The following OCM variants were observed in gnomAD, a reference collection of about 807,000 sequenced individuals.
OCM encodes the protein oncomodulin-1.
OCM carries 18 observed loss-of-function variants against 14.1 expected under a neutral mutation model. The ratio of observed to expected loss-of-function variants is 1.28; its 90% CI spans 0.88 to 1.89. OCM has a LOEUF of 1.89. OCM is among the 40% of genes most tolerant of loss of function. The pLI is 0.00. For synonymous variants in OCM, 48 were observed against 51.0 expected (o/e 0.94, Z 0.25); for missense variants, 140 against 137.6 (o/e 1.02, Z -0.09).
At chr7:5,871,024 G>A in the OCM span, among the ~76,000 whole-genome samples, 2 of 151,896 alleles carry the variant, frequency 1.3e-5, no homozygotes, top group African/African-American at 2.4e-5. Flanking sequence ...CCAGTAGCTG[G>A]GATAACAGTC....
At chr7:5,871,149 C>T in the OCM span, among the ~76,000 whole-genome samples, 30 of 150,186 alleles carry the variant, frequency 2.0e-4, no homozygotes, top group African/African-American at 6.9e-4. Context: ...GCATTTGAGA[C>T]CAGCCTGGGC....
the OCM span, among the ~76,000 whole-genome samples, chr7:5,869,828 T>A: frequency 6.6e-6 from 1 of 152,020 alleles, no homozygotes; most frequent in African/African-American, 2.4e-5. Flanking sequence ...ACTTGCCGGG[T>A]CCATCCTTCC....
At chr7:5,860,418 A>G in the OCM span, among the ~76,000 whole-genome samples, 1 of 142,212 alleles carries the variant, frequency 7.0e-6, no homozygotes, top group Non-Finnish European at 1.6e-5. Context: ...ACGTATATAT[A>G]TATTACGTAT....
At chr7:5,874,060 A>T in the OCM span, among the ~76,000 whole-genome samples, 2 of 49,858 alleles carry the variant, frequency 4.0e-5, no homozygotes, top group African/African-American at 1.0e-4. Context: ...TACTAAAAAT[A>T]AAAAAAAAAA....
the OCM span, among the ~76,000 whole-genome samples, chr7:5,862,535 A>G: frequency 4.6e-3 from 706 of 152,344 alleles, 20 homozygotes; most frequent in East Asian, 0.076. Flanking sequence ...ACAAGATCGT[A>G]AATCATCCTT....
the OCM span, among the ~76,000 whole-genome samples, chr7:5,862,699 T>C: frequency 6.6e-6 from 1 of 152,064 alleles, no homozygotes; most frequent in Non-Finnish European, 1.5e-5. Flanking sequence ...TTATGTAAAA[T>C]GTGGATTCAC....
chr7:5,865,212 A>G, the OCM span, among the ~76,000 whole-genome samples: 1 of 152,244 alleles, frequency 6.6e-6, no homozygotes, highest in Middle Eastern at 3.4e-3. Context: ...TGCCTGCATT[A>G]TTCATGTTTT....
At chr7:5,885,046 G>A (rs1781304260) in intron 3 of OCM, among the ~76,000 whole-genome samples, 1 of 151,722 alleles carries the variant, frequency 6.6e-6, no homozygotes, top group Admixed American at 6.6e-5. Context: ...CTTGAACCTG[G>A]GAGGCAGAGG....
the OCM span, among the ~76,000 whole-genome samples, chr7:5,862,110 C>A: frequency 2.0e-5 from 3 of 152,248 alleles, no homozygotes; most frequent in African/African-American, 7.2e-5. Context: ...CGTTAAGCAT[C>A]TTTTCATGTG....
At chr7:5,877,309 A>G (rs1365035887), upstream of OCM, among the ~76,000 whole-genome samples, 1 of 148,022 alleles carries the variant, frequency 6.8e-6, no homozygotes, top group East Asian at 2.2e-4. Flanking sequence ...TACCAAAAAA[A>G]TACAAAAAAT....
chr7:5,880,948 G>A lies in OCM; in HGVS notation c.59G>A (p.Arg20Gln), dbSNP rs202012112. 1,497 of 1,613,428 alleles carry A rather than the reference G, an allele frequency of 9.3e-4. 2 individuals are homozygous for A. The highest frequency in any genetic ancestry group is 1.2e-3 in the Non-Finnish European group (1,448 of 1,179,592). ...DDIAAALQEC[R>Q]DPDTFEPQKF... ...ATTGCAGCAGCGCTCCAGGAATGCC[G>A]AGGTAGAGGGGACGTGAGGCGGGGG... Residue 20 changes from arginine (R) to glutamine (Q), a missense_variant and splice_region_variant, in exon 1 of 4, where the codon CGA becomes CAA. Arg to Gln is a conservative substitution (Grantham distance 43). Transcript: ENST00000242104.
At chr7:5,861,159 C>T in the OCM span, among the ~76,000 whole-genome samples, 32 of 152,176 alleles carry the variant, frequency 2.1e-4, no homozygotes, top group Non-Finnish European at 3.8e-4. Context: ...CGGTGGCTCA[C>T]GCCTGTAATC....
the OCM span, among the ~76,000 whole-genome samples, chr7:5,864,287 C>T: frequency 4.6e-4 from 69 of 149,238 alleles, no homozygotes; most frequent in African/African-American, 1.5e-3. Flanking sequence ...GTTGAGGCTG[C>T]GGTGAGCTGT....
the OCM span, among the ~76,000 whole-genome samples, chr7:5,873,767 A>C: frequency 2.6e-5 from 4 of 152,216 alleles, no homozygotes; most frequent in African/African-American, 9.6e-5. Context: ...GGGCTAGGGT[A>C]GTGACGGTGG....
At chr7:5,878,161 C>T (rs562966672), upstream of OCM, among the ~76,000 whole-genome samples, 18 of 151,320 alleles carry the variant, frequency 1.2e-4, no homozygotes, top group South Asian at 3.4e-3. Context: ...GATGGGTTTT[C>T]ACCACGTTGG....
chr7:5,864,346 C>CAA, the OCM span, among the ~76,000 whole-genome samples: 321 of 121,794 alleles, frequency 2.6e-3, 1 homozygote, highest in Middle Eastern at 0.012. Flanking sequence ...GACCTTGTCT[C>CAA]AAAAAAAAAA....
chr7:5,883,378 A>C (rs1255895535), intron 2 of OCM, among the ~76,000 whole-genome samples: 1 of 151,860 alleles, frequency 6.6e-6, no homozygotes, highest in Middle Eastern at 3.4e-3. Context: ...AAAATTAAAA[A>C]CACTAAAAAC....
At chr7:5,871,337 A>G in the OCM span, among the ~76,000 whole-genome samples, 43 of 149,766 alleles carry the variant, frequency 2.9e-4, no homozygotes, top group East Asian at 6.0e-3. Flanking sequence ...CCTGGGTGAC[A>G]GAGTGAGTCC....
upstream of OCM, among the ~76,000 whole-genome samples, chr7:5,876,579 A>G (rs58163909): frequency 0.053 from 8,129 of 152,232 alleles, 485 homozygotes; most frequent in African/African-American, 0.15. Flanking sequence ...GGTCAGTCCT[A>G]GGCTAGGCAC....
Sources: gnomAD v4.1 joint callset for allele counts (sites outside exome capture counted in the v4.1 genomes callset) on GRCh38, gnomAD v4.1.1 for gene constraint, MANE v1.5 for transcripts, NCBI Gene and HGNC (gene_info 2026-07-23, HGNC 2026-07-21) for gene names.